RAB10: variants seen among roughly 807,000 people sequenced by gnomAD.
The protein encoded by RAB10 is ras-related protein Rab-10.
RAB10 carries 5 observed loss-of-function variants against 25.7 expected under a neutral mutation model. The ratio of observed to expected loss-of-function variants is 0.19; its 90% CI spans 0.10 to 0.41. The LOEUF is 0.41. Among genes scored for constraint, RAB10 ranks in the 10% least tolerant of loss-of-function variants. RAB10 has a pLI of 1.00. For synonymous variants in RAB10, 89 were observed against 86.4 expected (o/e 1.03, Z -0.16); for missense variants, 103 against 245.8 (o/e 0.42, Z 3.89).
chr2:26,122,892 G>A (rs925243076), intron 3 of RAB10, among the ~76,000 whole-genome samples: 2 of 151,990 alleles, frequency 1.3e-5, no homozygotes, highest in African/African-American at 4.8e-5. Flanking sequence ...TCCTATTCTC[G>A]GGGTGGCAGG....
intron 1 of RAB10, among the ~76,000 whole-genome samples, chr2:26,069,378 G>A (rs953592414): frequency 6.6e-6 from 1 of 151,980 alleles, no homozygotes; most frequent in Non-Finnish European, 1.5e-5. Context: ...TAATAGAAGG[G>A]CATTTAAAAA....
At chr2:26,116,002 G>T (rs941654706) in intron 3 of RAB10, among the ~76,000 whole-genome samples, 6 of 151,794 alleles carry the variant, frequency 4.0e-5, no homozygotes, top group African/African-American at 1.5e-4. Flanking sequence ...TGGGACTACA[G>T]GTGCATGCTG....
intron 3 of RAB10, among the ~76,000 whole-genome samples, chr2:26,112,336 G>C (rs1183508408): frequency 1.3e-5 from 2 of 152,188 alleles, no homozygotes; most frequent in Non-Finnish European, 2.9e-5. Context: ...CACTTGGTTG[G>C]TTCCTCTGGA....
chr2:26,127,159 G>T lies in RAB10; in HGVS notation c.343G>T (p.Val115Leu). The T allele has an allele frequency of 6.3e-7, 1 of 1,598,614 alleles. No homozygotes were observed. The highest frequency in any genetic ancestry group is 8.5e-7 in the Non-Finnish European group (1 of 1,175,918). ...TTCATTTTAGCATGCCAATGAAGAT[G>T]TGGAAAGAATGTTACTAGGAAACAA... The part of the protein sequence containing the change: ...RNIDEHANED[V>L]ERMLLGNKCD... The change falls in exon 4 of 6, where the codon GTG becomes TTG. Residue 115 changes from valine to leucine, a missense_variant. Physicochemically the swap from Val to Leu is conservative, Grantham distance 32. Around this residue, in one of 2 missense-constraint regions of RAB10, gnomAD observed 79 missense variants for 217.8 expected, o/e 0.36. Transcript: ENST00000264710.
chr2:26,117,095 T>C (rs1379295535), intron 3 of RAB10, among the ~76,000 whole-genome samples: 4 of 152,228 alleles, frequency 2.6e-5, no homozygotes, highest in Non-Finnish European at 5.9e-5. Flanking sequence ...TAGTATTACT[T>C]GGCATATGAC....
At chr2:26,089,889 G>GT (rs1028120619) in intron 1 of RAB10, among the ~76,000 whole-genome samples, 4 of 151,944 alleles carry the variant, frequency 2.6e-5, no homozygotes, top group East Asian at 3.8e-4. Context: ...ACAACTTTTT[G>GT]TTTTTTTGTT....
chr2:26,065,960 A>G lies in RAB10; in HGVS notation c.127+31225A>G, dbSNP rs149258354. ...AATATTGTTTTTACCATGACAGTCT[A>G]CTTAACCAATATTTGTATTCTCATC... On this transcript the variant is annotated intron_variant, in intron 1 of 5. Coordinates refer to ENST00000264710, the MANE Select transcript of RAB10 (RefSeq NM_016131.5). 2.5e-3 allele frequency among the ~76,000 whole-genome samples: 380 copies of G among 152,320 alleles called. 2 individuals are homozygous for G. The highest frequency in any genetic ancestry group is 8.8e-3 in the African/African-American group (365 of 41,570).
intron 1 of RAB10, among the ~76,000 whole-genome samples, chr2:26,071,041 T>C (rs568313313): frequency 6.6e-6 from 1 of 152,364 alleles, no homozygotes; most frequent in East Asian, 1.9e-4. Flanking sequence ...TCATTGTATT[T>C]ACCACCATGT....
chr2:26,077,756 G>T (rs1414381140), intron 1 of RAB10, among the ~76,000 whole-genome samples: 1 of 152,148 alleles, frequency 6.6e-6, no homozygotes, highest in Non-Finnish European at 1.5e-5. Flanking sequence ...GAGGTGGGCG[G>T]ATCACGAGGT....
rs1491120123 is a variant in RAB10, at chr2:26,117,637, A to AC, written c.327+7731_327+7732insC. Among the ~76,000 whole-genome samples the AC allele has an allele frequency of 9.8e-3, 1,349 of 138,028 alleles. 50 individuals are homozygous for AC. Among genetic ancestry groups the AC allele is most frequent in the African/African-American group, 0.014 (496 of 36,624 alleles). 90.6% of individuals were successfully genotyped at this position (138,028 alleles called of 152,430 possible). On this transcript the variant is annotated intron_variant, in intron 3 of 5. Transcript: ENST00000264710. ...TCCGTCTCAAAAAAAAAAAAAAAAC[A>AC]AAAAAAACAAAAGAGTTAGGAAGTA... is the stretch of plus-strand genomic sequence containing the variant.
chr2:26,122,336 G>A (rs938352068), intron 3 of RAB10, among the ~76,000 whole-genome samples: 1 of 152,074 alleles, frequency 6.6e-6, no homozygotes, highest in East Asian at 1.9e-4. Context: ...TATAAGAAAG[G>A]CATACTTGTA....
intron 1 of RAB10, among the ~76,000 whole-genome samples, chr2:26,056,351 A>G (rs1001136889): frequency 1.3e-5 from 2 of 152,052 alleles, no homozygotes; most frequent in East Asian, 3.9e-4. Context: ...GGTGCGTGCC[A>G]TCACACCCGG....
chr2:26,034,559 G>A lies in RAB10; in HGVS notation c.-50G>A, dbSNP rs1213686400. The A allele has an allele frequency of 6.2e-7, 1 of 1,610,878 alleles. No individual in the cohort carries two copies. Among genetic ancestry groups the A allele is most frequent in the Non-Finnish European group, 8.5e-7 (1 of 1,179,312 alleles). On this transcript the variant is annotated 5_prime_UTR_variant, in exon 1 of 6. Transcript: ENST00000264710. ...GTGAGGAGTTGGCCGTAGTGAGAGGGACCGATCCCTTGGGGCCGCCGGCGG... is the reference window on the plus strand; with the variant it reads ...GTGAGGAGTTGGCCGTAGTGAGAGGAACCGATCCCTTGGGGCCGCCGGCGG...
At chr2:26,048,867 A>T (rs905416981) in intron 1 of RAB10, among the ~76,000 whole-genome samples, 10 of 152,226 alleles carry the variant, frequency 6.6e-5, no homozygotes, top group African/African-American at 2.2e-4. Flanking sequence ...CTATCTCAAT[A>T]CAATAAAATA....
intron 1 of RAB10, among the ~76,000 whole-genome samples, chr2:26,045,645 G>A (rs894563744): frequency 1.3e-5 from 2 of 152,196 alleles, no homozygotes; most frequent in African/African-American, 4.8e-5. Context: ...CCATTATTTA[G>A]CACAAAATAT....
chr2:26,105,196 A>G (rs1471212662), intron 2 of RAB10, among the ~76,000 whole-genome samples: 1 of 152,164 alleles, frequency 6.6e-6, no homozygotes, highest in Non-Finnish European at 1.5e-5. Context: ...ATCAAACATA[A>G]TGTTTAAAGA....
intron 1 of RAB10, among the ~76,000 whole-genome samples, chr2:26,089,981 G>T: frequency 6.6e-6 from 1 of 152,228 alleles, no homozygotes. Flanking sequence ...AGAATTGTCA[G>T]ATCCTTTTGT....
chr2:26,047,965 A>T (rs563800088), intron 1 of RAB10, among the ~76,000 whole-genome samples: 1 of 147,290 alleles, frequency 6.8e-6, no homozygotes, highest in African/African-American at 2.5e-5. Flanking sequence ...ACCTCAGGTG[A>T]TCTGCCGGCC....
At chr2:26,124,702 A>G (rs1399757839) in intron 3 of RAB10, among the ~76,000 whole-genome samples, 2 of 151,898 alleles carry the variant, frequency 1.3e-5, no homozygotes, top group Non-Finnish European at 2.9e-5. Flanking sequence ...ACCACCATCC[A>G]TTTCCAGAAC....
Sources: gnomAD v4.1 joint callset for allele counts (sites outside exome capture counted in the v4.1 genomes callset) on GRCh38, gnomAD v4.1.1 for gene constraint, gnomAD v4.1.1 regional missense constraint, MANE v1.5 for transcripts, NCBI Gene and HGNC (gene_info 2026-07-23, HGNC 2026-07-21) for gene names.